Variants in DNAJB4 observed in about 807,000 individuals in gnomAD.
DNAJB4 encodes the protein dnaJ homolog subfamily B member 4.
In DNAJB4, 10 loss-of-function variants were observed where a neutral mutation model predicts 26.6. That is an observed-to-expected ratio of 0.38 (90% CI 0.23 to 0.64). The LOEUF (loss-of-function observed/expected upper bound fraction) is 0.64, where lower values mean the gene tolerates loss of function less well. Ranked by LOEUF, DNAJB4 falls within the 30% of genes least tolerant of loss-of-function variation. The pLI is 0.58. For synonymous variants in DNAJB4, 136 were observed against 134.8 expected (o/e 1.01, Z -0.06); for missense variants, 328 against 408.2 (o/e 0.80, Z 1.69).
chr1:78,012,154 C>CTTTTTTTTTTTTTTTTTTTTTTTTT lies in DNAJB4; in HGVS notation c.212-893_212-892insTTTTTTTTTTTTTTTTTTTTTTTTT, dbSNP rs1324763074. Among the ~76,000 whole-genome samples the CTTTTTTTTTTTTTTTTTTTTTTTTT allele has an allele frequency of 6.8e-4, 47 of 69,348 alleles. 4 individuals are homozygous for CTTTTTTTTTTTTTTTTTTTTTTTTT. The highest frequency in any genetic ancestry group is 1.5e-3 in the East Asian group (3 of 2,018). 45.5% of individuals were successfully genotyped at this position (69,348 alleles called of 152,430 possible). On this transcript the variant is annotated intron_variant, in intron 1 of 2. Coordinates refer to ENST00000370763, the MANE Select transcript of DNAJB4 (RefSeq NM_007034.5). ...CCCAGTTTTATTTTCTTTTTCTTTT[C>CTTTTTTTTTTTTTTTTTTTTTTTTT]TTTTCTTTTTTTTTTTTTTTTTTTT...
intron 1 of DNAJB4, chr1:77,980,335 ATATATGTGTGTGTGTGTGTGTGTG>A (rs1036190538): frequency 1.7e-4 from 21 of 123,860 alleles, no homozygotes; most frequent in African/African-American, 7.8e-4. Flanking sequence ...ATATATATAT[ATATATGTGTGTGTGTGTGTGTGTG>A]TGTGTGTGTG....
intron 1 of DNAJB4, among the ~76,000 whole-genome samples, chr1:77,991,629 G>C (rs540506767): frequency 9.8e-4 from 149 of 152,304 alleles, no homozygotes; most frequent in African/African-American, 3.2e-3. Context: ...GAACAAGTCA[G>C]TGGTCTGCCC....
chr1:78,002,698 TTAATACAACAATCACG>T (rs1218375315), upstream of DNAJB4, among the ~76,000 whole-genome samples: 1 of 152,186 alleles, frequency 6.6e-6, no homozygotes, highest in Non-Finnish European at 1.5e-5. Flanking sequence ...GATTGTTGTA[TTAATACAACAATCACG>T]TAATACAACA....
upstream of DNAJB4, among the ~76,000 whole-genome samples, chr1:78,002,812 C>A (rs908996789): frequency 6.6e-6 from 1 of 152,066 alleles, no homozygotes; most frequent in East Asian, 1.9e-4. Flanking sequence ...TTTACAATTA[C>A]GATTCTTATG....
intron 1 of DNAJB4, among the ~76,000 whole-genome samples, chr1:78,007,843 A>G (rs1255107987): frequency 6.6e-6 from 1 of 152,316 alleles, no homozygotes; most frequent in Admixed American, 6.5e-5. Context: ...AGGACTATGG[A>G]AACACTATTA....
chr1:78,012,715 A>C (rs1345068301), intron 1 of DNAJB4, among the ~76,000 whole-genome samples: 1 of 152,102 alleles, frequency 6.6e-6, no homozygotes, highest in Non-Finnish European at 1.5e-5. Flanking sequence ...AGGCTGAGGC[A>C]GGAGAATTGT....
In DNAJB4 at chr1:78,014,611, T is replaced by TA. The variant is rs1158166111; in HGVS notation, c.780+992_780+993insA. Among the ~76,000 whole-genome samples the TA allele has an allele frequency of 3.3e-5, 5 of 152,158 alleles. No individual in the cohort carries two copies. In the East Asian group the frequency reaches 9.7e-4, roughly 29 times the overall value. On this transcript the variant is annotated intron_variant, in intron 2 of 2. Coordinates refer to ENST00000370763, the MANE Select transcript of DNAJB4 (RefSeq NM_007034.5). ...TTTGCTCTATTATTATTATTATTAT[T>TA]TTTTTGAGATGGAGTCTCGCTCTGT...
chr1:78,002,022 C>G (rs2102602199), upstream of DNAJB4, among the ~76,000 whole-genome samples: 1 of 152,296 alleles, frequency 6.6e-6, no homozygotes, highest in South Asian at 2.1e-4. Context: ...TCTCTTCAAA[C>G]TTTCCGTCAC....
chr1:77,981,058 C>CA (rs766618459), intron 1 of DNAJB4: 22 of 151,694 alleles, frequency 1.5e-4, no homozygotes, highest in Admixed American at 7.9e-4. Context: ...ATCTTTTGAT[C>CA]AATGTAATTT....
At chr1:77,992,755 GTC>G (rs1030676289) in intron 1 of DNAJB4, 1 of 151,998 alleles carries the variant, frequency 6.6e-6, no homozygotes, top group African/African-American at 2.4e-5. Flanking sequence ...TTGAGACAGA[GTC>G]TCTGTTGCCC....
At chr1:77,982,999 G>C (rs112647240) in intron 1 of DNAJB4, among the ~76,000 whole-genome samples, 2 of 152,288 alleles carry the variant, frequency 1.3e-5, no homozygotes, top group African/African-American at 4.8e-5. Flanking sequence ...CTGAACCAGC[G>C]TTCAGCATAT....
intron 1 of DNAJB4, among the ~76,000 whole-genome samples, chr1:77,989,329 ATCC>A (rs1659879767): frequency 6.6e-6 from 1 of 152,180 alleles, no homozygotes; most frequent in South Asian, 2.1e-4. Context: ...GTTTTTAAAT[ATCC>A]TCCTCTATAT....
intron 1 of DNAJB4, among the ~76,000 whole-genome samples, chr1:77,980,725 G>A: frequency 6.6e-6 from 1 of 152,080 alleles, no homozygotes; most frequent in South Asian, 2.1e-4. Context: ...TAAAAGTAAT[G>A]TGTTCATTTG....
At chr1:77,988,956 T>C (rs1395015759) in intron 1 of DNAJB4, among the ~76,000 whole-genome samples, 3 of 152,154 alleles carry the variant, frequency 2.0e-5, no homozygotes, top group African/African-American at 4.8e-5. Flanking sequence ...GCTGGGTCCT[T>C]AGTGGGATTT....
upstream of DNAJB4, among the ~76,000 whole-genome samples, chr1:78,001,412 T>C (rs1660192259): frequency 2.0e-5 from 3 of 152,100 alleles, no homozygotes; most frequent in Admixed American, 6.5e-5. Context: ...GGAAAAGTTA[T>C]TCACAGGTGC....
chr1:77,982,981 A>G (rs750273188), intron 1 of DNAJB4, among the ~76,000 whole-genome samples: 1 of 152,170 alleles, frequency 6.6e-6, no homozygotes, highest in Non-Finnish European at 1.5e-5. Context: ...ACACAAAGAC[A>G]AAGTATGCTG....
At chr1:78,008,385 A>G (rs1045126801) in intron 1 of DNAJB4, among the ~76,000 whole-genome samples, 5 of 152,226 alleles carry the variant, frequency 3.3e-5, no homozygotes, top group African/African-American at 1.2e-4. Context: ...TGCTATATAC[A>G]TTCAATGAGG....
intron 2 of DNAJB4, among the ~76,000 whole-genome samples, chr1:78,014,324 T>C (rs185577965): frequency 6.6e-6 from 1 of 152,116 alleles, no homozygotes; most frequent in Non-Finnish European, 1.5e-5. Context: ...GCCAGGCTGG[T>C]CTTGAATTCC....
chr1:77,980,178 C>CAGGG (rs1196250807), upstream of DNAJB4: 4 of 152,146 alleles, frequency 2.6e-5, no homozygotes, highest in Admixed American at 1.3e-4. Context: ...GCACTGCGCC[C>CAGGG]GGCCTGTTAA....
Sources: gnomAD v4.1 joint callset for allele counts (sites outside exome capture counted in the v4.1 genomes callset) on GRCh38, gnomAD v4.1.1 for gene constraint, MANE v1.5 for transcripts, NCBI Gene and HGNC (gene_info 2026-07-23, HGNC 2026-07-21) for gene names.